Variants in ARHGEF16 observed in about 807,000 individuals in gnomAD.
The protein encoded by ARHGEF16 is Rho guanine nucleotide exchange factor 16.
ARHGEF16 carries 59 observed loss-of-function variants against 74.1 expected under a neutral mutation model. The observed-to-expected ratio is 0.80, with a 90% CI of 0.65 to 0.99. The LOEUF (loss-of-function observed/expected upper bound fraction) is 0.99, where lower values mean the gene tolerates loss of function less well. Ranked by LOEUF, ARHGEF16 falls within the 50% of genes least tolerant of loss-of-function variation. The pLI, the probability that ARHGEF16 is intolerant of heterozygous loss-of-function variation, is 0.00. For synonymous variants in ARHGEF16, 415 were observed against 412.6 expected (o/e 1.01, Z -0.07); for missense variants, 948 against 986.6 (o/e 0.96, Z 0.52).
In ARHGEF16 at chr1:3,460,244, G is replaced by A. The variant is rs768198838; in HGVS notation, c.-19-2822G>A. Among the ~76,000 whole-genome samples, 10 of 152,310 alleles carry A rather than the reference G, an allele frequency of 6.6e-5. No individual in the cohort carries two copies. The East Asian group carries it at 7.7e-4, about 12-fold the overall frequency. On this transcript the variant is annotated intron_variant, in intron 1 of 14. Coordinates refer to ENST00000378378, the MANE Select transcript of ARHGEF16 (RefSeq NM_014448.4). Reference sequence around the variant, plus strand: ...GCTCTGGCTCGCCTGACAGGTTCCCGTTTGGGCGCCTTCTGGCAGTGGAGC... The same window carrying A: ...GCTCTGGCTCGCCTGACAGGTTCCCATTTGGGCGCCTTCTGGCAGTGGAGC...
rs1639449433 is a variant in ARHGEF16 at position 3,463,288 on chromosome 1, A to G, written c.204A>G (p.Pro68=). ...PQPRPPGHEE[P]WPIVLSTESP... is the part of the protein sequence containing the mutation. ...CTCGGCCCCCGGGGCACGAGGAGCC[A>G]TGGCCCATCGTCCTGAGCACAGAGA... is the stretch of plus-strand genomic sequence containing the variant. Residue 68 remains proline (P), a synonymous_variant, in exon 2 of 15, where the codon CCA becomes CCG. Transcript: ENST00000378378. 6.5e-7 allele frequency: 1 copy of G among 1,550,132 alleles called. No homozygotes were observed.
At position 3,476,789 on chromosome 1, in the gene ARHGEF16, C is replaced by T. The variant is rs543556242; in HGVS notation, c.1473+727C>T. Among the ~76,000 whole-genome samples the T allele has an allele frequency of 6.0e-5, 9 of 150,804 alleles. No homozygotes were observed. In the South Asian group the frequency reaches 8.5e-4, roughly 14 times the overall value. On this transcript the variant is annotated intron_variant, in intron 10 of 14. Transcript: ENST00000378378. ...CACCAGCCACCCTCACTCAGGGCCACGGACAACCAAGTAAGGGTGCGGGGT... is the reference window on the plus strand; with the variant it reads ...CACCAGCCACCCTCACTCAGGGCCATGGACAACCAAGTAAGGGTGCGGGGT...
intron 6 of ARHGEF16, 96 bp downstream of exon 6, chr1:3,469,689 C>T (rs1639651322): frequency 2.7e-6 from 4 of 1,488,842 alleles, no homozygotes; most frequent in Non-Finnish European, 3.6e-6. Flanking sequence ...CCCTGGGAGC[C>T]TGCGCTGCAC....
chr1:3,473,613 G>T, intron 8 of ARHGEF16, 91 bp downstream of exon 8: 1 of 1,567,298 alleles, frequency 6.4e-7, no homozygotes, highest in South Asian at 1.1e-5. Flanking sequence ...ACGTGCTTGT[G>T]ACCTTCTCCT....
rs1489788224 is a variant in ARHGEF16 at position 3,478,497 on chromosome 1, C to A, written c.1699C>A (p.Leu567Ile). Residue 567 changes from leucine to isoleucine, a missense_variant, in exon 12 of 15, where the codon CTC becomes ATC. By Grantham distance (5) the Leu-to-Ile change is conservative. Coordinates refer to ENST00000378378, the MANE Select transcript of ARHGEF16 (RefSeq NM_014448.4). The stretch of plus-strand genomic sequence containing the variant: ...GGTGGAGAAGATAGAGCCGTCTGAG[C>A]TCCCTCTGCCCGGGGGCGGCAACCG... ...IQVEKIEPSE[L>I]PLPGGGNRSS... The A allele has an allele frequency of 6.2e-7, 1 of 1,612,672 alleles. No individual in the cohort carries two copies. The highest frequency in any genetic ancestry group is 1.7e-5 in the Admixed American group (1 of 60,030).
At chr1:3,467,626 C>A (rs1569853913) in intron 4 of ARHGEF16, among the ~76,000 whole-genome samples, 1 of 152,348 alleles carries the variant, frequency 6.6e-6, no homozygotes, top group East Asian at 1.9e-4. Context: ...GGAGTCCCTT[C>A]CCAGGGCCCC....
At chr1:3,467,418 A>C in intron 4 of ARHGEF16, 81 bp downstream of exon 4, 1 of 1,437,362 alleles carries the variant, frequency 7.0e-7, no homozygotes, top group Non-Finnish European at 9.2e-7. Flanking sequence ...CCCCAAGCCC[A>C]GGCGGCTGGT....
In ARHGEF16 at chr1:3,478,446, G is replaced by T. The variant is rs144834615; in HGVS notation, c.1648G>T (p.Asp550Tyr). Residue 550 changes from aspartate to tyrosine, a missense_variant, in exon 12 of 15, where the codon GAC becomes TAC. Coordinates refer to ENST00000378378, the MANE Select transcript of ARHGEF16 (RefSeq NM_014448.4). The stretch of plus-strand genomic sequence containing the variant: ...CAGCGAGGAGAGCTACATGGTCCAG[G>T]ACTACGCCCAGATGAACCACATCCA... ...KKSEESYMVQDYAQMNHIQVE... is the reference protein window; with the variant it reads ...KKSEESYMVQYYAQMNHIQVE... 4 of 1,610,616 alleles carry T rather than the reference G, an allele frequency of 2.5e-6. No homozygotes were observed. In the African/African-American group the frequency reaches 5.3e-5, roughly 21 times the overall value.
rs1296432356 is a variant in ARHGEF16 at position 3,480,655 on chromosome 1, G to A, written c.*68G>A. 1 of 1,559,466 alleles carries A rather than the reference G, an allele frequency of 6.4e-7. No individual in the cohort carries two copies. The highest frequency in any genetic ancestry group is 1.3e-5 in the African/African-American group (1 of 74,386). ...CAGCAAGTGGTCGTGCCTGGCTCTAGAGAGCGTGGGGAGCTGGTCTCAAGG... is the reference window on the plus strand; with the variant it reads ...CAGCAAGTGGTCGTGCCTGGCTCTAAAGAGCGTGGGGAGCTGGTCTCAAGG... On this transcript the variant is annotated 3_prime_UTR_variant, in exon 15 of 15. Transcript: ENST00000378378.
At chr1:3,465,887 C>A in intron 2 of ARHGEF16, 1 of 497,886 alleles carries the variant, frequency 2.0e-6, no homozygotes, top group East Asian at 3.8e-5. Context: ...GCTCGAAACT[C>A]TTCTGAGCGT....
chr1:3,457,208 G>A (rs749192918), intron 1 of ARHGEF16, among the ~76,000 whole-genome samples: 13 of 152,244 alleles, frequency 8.5e-5, no homozygotes, highest in African/African-American at 2.7e-4. Context: ...GACTGAGTCC[G>A]AAGTTTGACG....
chr1:3,460,046 T>C (rs1332406936), intron 1 of ARHGEF16, among the ~76,000 whole-genome samples: 1 of 152,230 alleles, frequency 6.6e-6, no homozygotes, highest in South Asian at 2.1e-4. Context: ...TGTGTCTTCA[T>C]AGTTCTTTAG....
chr1:3,476,243 C>G (rs553015615), intron 10 of ARHGEF16, among the ~76,000 whole-genome samples, 181 bp downstream of exon 10: 2 of 152,288 alleles, frequency 1.3e-5, no homozygotes, highest in Admixed American at 1.3e-4. Flanking sequence ...CTCAGTCTCC[C>G]GATCTGGGAG....
intron 1 of ARHGEF16, among the ~76,000 whole-genome samples, chr1:3,455,048 C>T (rs115427362): frequency 0.053 from 8,004 of 151,712 alleles, 304 homozygotes; most frequent in East Asian, 0.13. Context: ...CCCGCCCCCC[C>T]ACACACACCA....
intron 1 of ARHGEF16, among the ~76,000 whole-genome samples, chr1:3,456,166 G>A (rs540250070): frequency 2.0e-5 from 3 of 152,282 alleles, no homozygotes; most frequent in Non-Finnish European, 2.9e-5. Flanking sequence ...CTGGCTCTTC[G>A]GGGGCCATCT....
chr1:3,478,215 T>A, intron 11 of ARHGEF16, 189 bp downstream of exon 11: 2 of 931,220 alleles, frequency 2.1e-6, no homozygotes, highest in Non-Finnish European at 3.2e-6. Flanking sequence ...GCCTCTGACC[T>A]CCTCTGCAGA....
intron 6 of ARHGEF16, among the ~76,000 whole-genome samples, chr1:3,470,585 CTG>C (rs1397069503): frequency 4.5e-5 from 5 of 111,088 alleles, no homozygotes; most frequent in South Asian, 3.3e-4. Context: ...GTGTGAGTGG[CTG>C]TGTTTTCGGT....
intron 2 of ARHGEF16, among the ~76,000 whole-genome samples, chr1:3,464,442 C>T (rs1639486477): frequency 6.6e-6 from 1 of 152,204 alleles, no homozygotes; most frequent in Non-Finnish European, 1.5e-5. Flanking sequence ...GCGACTCTGG[C>T]CACCCTGCTT....
intron 10 of ARHGEF16, among the ~76,000 whole-genome samples, chr1:3,477,223 G>A (rs934406362): frequency 3.1e-5 from 2 of 64,278 alleles, no homozygotes; most frequent in Admixed American, 1.9e-4. Flanking sequence ...AGGAGCGGGA[G>A]CTGGTGGGCA....
Sources: gnomAD v4.1 joint callset for allele counts (sites outside exome capture counted in the v4.1 genomes callset) on GRCh38, gnomAD v4.1.1 for gene constraint, MANE v1.5 for transcripts, NCBI Gene and HGNC (gene_info 2026-07-23, HGNC 2026-07-21) for gene names.